Variants in CHRM3 observed in about 807,000 individuals in gnomAD.
CHRM3 encodes cholinergic receptor muscarinic 3.
In CHRM3, 11 loss-of-function variants were observed where a neutral mutation model predicts 41.8. The observed-to-expected ratio is 0.26, with a 90% CI of 0.17 to 0.44. The LOEUF (loss-of-function observed/expected upper bound fraction) is 0.44, where lower values mean the gene tolerates loss of function less well. CHRM3 is among the 20% of genes least tolerant of loss of function. The pLI, the probability that CHRM3 is intolerant of heterozygous loss-of-function variation, is 1.00. For missense variants in CHRM3, 571 were observed against 745.4 expected, an observed-to-expected ratio of 0.77 and a Z score of 2.72; for synonymous variants, 297 against 301.4, an observed-to-expected ratio of 0.99 and a Z score of 0.15.
intron 3 of CHRM3, among the ~76,000 whole-genome samples, chr1:239,597,290 G>A (rs944495949): frequency 6.6e-6 from 1 of 151,982 alleles, no homozygotes; most frequent in African/African-American, 2.4e-5. Context: ...TTCATTTTTC[G>A]TGTTATAAAA....
chr1:239,696,659 A>G (rs748762611), intron 5 of CHRM3, among the ~76,000 whole-genome samples: 1 of 152,230 alleles, frequency 6.6e-6, no homozygotes, highest in Non-Finnish European at 1.5e-5. Flanking sequence ...ACACAGATTC[A>G]GTAGCATACT....
chr1:239,466,728 T>C (rs1665756316), intron 1 of CHRM3, among the ~76,000 whole-genome samples: 1 of 152,002 alleles, frequency 6.6e-6, no homozygotes, highest in Non-Finnish European at 1.5e-5. Context: ...CCCACCAAAG[T>C]GTTGGGATTA....
intron 5 of CHRM3, among the ~76,000 whole-genome samples, chr1:239,778,720 G>T (rs1668291431): frequency 6.6e-6 from 1 of 152,086 alleles, no homozygotes; most frequent in African/African-American, 2.4e-5. Context: ...AGCAGCTAGG[G>T]GATTTGGATT....
intron 5 of CHRM3, among the ~76,000 whole-genome samples, chr1:239,714,835 T>C (rs1192527507): frequency 1.3e-5 from 2 of 152,112 alleles, no homozygotes; most frequent in Non-Finnish European, 2.9e-5. Context: ...ATGTCTTGAA[T>C]GACCTAAGTG....
intron 6 of CHRM3, among the ~76,000 whole-genome samples, chr1:239,857,889 C>T (rs1299301023): frequency 6.6e-6 from 1 of 152,148 alleles, no homozygotes; most frequent in Non-Finnish European, 1.5e-5. Flanking sequence ...AAATCTTAGA[C>T]ATCTTATGTT....
chr1:239,431,980 G>T (rs1293831799), intron 1 of CHRM3, among the ~76,000 whole-genome samples: 2 of 151,924 alleles, frequency 1.3e-5, no homozygotes, highest in Non-Finnish European at 2.9e-5. Flanking sequence ...GCTCCCAGGT[G>T]TTCCTCATTC....
At chr1:239,885,551 T>C (rs1434859967) in intron 6 of CHRM3, among the ~76,000 whole-genome samples, 1 of 152,202 alleles carries the variant, frequency 6.6e-6, no homozygotes, top group East Asian at 1.9e-4. Context: ...GTTTCTGTGC[T>C]AAAGCCCTCA....
At chr1:239,680,653 A>C (rs1050179420) in intron 5 of CHRM3, among the ~76,000 whole-genome samples, 2 of 152,078 alleles carry the variant, frequency 1.3e-5, no homozygotes, top group Non-Finnish European at 2.9e-5. Flanking sequence ...TGATTCAGCC[A>C]ACAAAATTTG....
At chr1:239,737,607 T>C (rs1273088543) in intron 5 of CHRM3, among the ~76,000 whole-genome samples, 1 of 152,176 alleles carries the variant, frequency 6.6e-6, no homozygotes, top group African/African-American at 2.4e-5. Flanking sequence ...CACTTTCTTC[T>C]TGCACATTTG....
rs143016002 is a variant in CHRM3 at position 239,533,339 on chromosome 1, T to G, written c.-421-12302T>G. Among the ~76,000 whole-genome samples, 234 of 151,862 alleles carry G rather than the reference T, an allele frequency of 1.5e-3. 1 individual carries two copies. The highest frequency in any genetic ancestry group is 4.9e-3 in the African/African-American group (200 of 41,236). On this transcript the variant is annotated intron_variant, in intron 2 of 6. Transcript: ENST00000676153. ...TAATTGACTCACAGTTCCACATGGC[T>G]GGGGAGGCCTCAGGAAACTTACAAT...
chr1:239,426,831 G>C (rs1004592545), intron 1 of CHRM3, among the ~76,000 whole-genome samples: 3 of 152,170 alleles, frequency 2.0e-5, no homozygotes, highest in Non-Finnish European at 4.4e-5. Flanking sequence ...TGGAGAGGGG[G>C]AAACACATTT....
chr1:239,866,139 A>C (rs1321490030), intron 6 of CHRM3, among the ~76,000 whole-genome samples: 1 of 152,096 alleles, frequency 6.6e-6, no homozygotes, highest in Non-Finnish European at 1.5e-5. Context: ...GCACTTTGGG[A>C]GGCCGGGGCG....
chr1:239,504,842 C>G (rs1668460849), intron 2 of CHRM3, among the ~76,000 whole-genome samples: 1 of 151,358 alleles, frequency 6.6e-6, no homozygotes, highest in South Asian at 2.1e-4. Flanking sequence ...TATTCTCACT[C>G]ATATGTAGGA....
intron 6 of CHRM3, among the ~76,000 whole-genome samples, chr1:239,842,966 C>T (rs989094895): frequency 6.6e-6 from 1 of 152,132 alleles, no homozygotes; most frequent in African/African-American, 2.4e-5. Context: ...ACATCATAGC[C>T]TAGAGCTTTG....
At chr1:239,397,323 G>A (rs1397556852) in intron 1 of CHRM3, among the ~76,000 whole-genome samples, 4 of 152,034 alleles carry the variant, frequency 2.6e-5, no homozygotes, top group East Asian at 1.9e-4. Flanking sequence ...ACACACATAT[G>A]TATAGGTATA....
chr1:239,441,712 G>A (rs1663735321), intron 1 of CHRM3, among the ~76,000 whole-genome samples: 1 of 146,236 alleles, frequency 6.8e-6, no homozygotes, highest in Non-Finnish European at 1.5e-5. Context: ...AGCCCTTGGA[G>A]GAGACTGGGA....
chr1:239,697,562 T>C (rs1050420491), intron 5 of CHRM3, among the ~76,000 whole-genome samples: 1 of 152,018 alleles, frequency 6.6e-6, no homozygotes, highest in African/African-American at 2.4e-5. Context: ...ATGGCAAGGA[T>C]AGAAAGGAGA....
At chr1:239,705,140 G>A (rs991686238) in intron 5 of CHRM3, 2 of 152,164 alleles carry the variant, frequency 1.3e-5, no homozygotes, top group African/African-American at 4.8e-5. Context: ...TCAGAAGGTC[G>A]AGGTTACAGT....
chr1:239,686,769 G>A (rs1659186556), intron 5 of CHRM3, among the ~76,000 whole-genome samples: 1 of 151,966 alleles, frequency 6.6e-6, no homozygotes, highest in Non-Finnish European at 1.5e-5. Flanking sequence ...TTACAGCTAG[G>A]GAAATTATGC....
Sources: allele counts gnomAD v4.1 joint callset (sites outside exome capture counted in the v4.1 genomes callset), GRCh38; gene constraint gnomAD v4.1.1; transcripts MANE v1.5; gene names NCBI Gene and HGNC (gene_info 2026-07-23, HGNC 2026-07-21).